DNA2: variants seen among roughly 807,000 people sequenced by gnomAD.
DNA2 encodes the protein DNA replication ATP-dependent helicase/nuclease DNA2.
Under a neutral mutation model 119.1 loss-of-function variants are expected in DNA2, and 101 were observed. The observed-to-expected ratio is 0.85, with a 90% CI of 0.72 to 1.00. The LOEUF (loss-of-function observed/expected upper bound fraction) is 1.00. Among genes scored for constraint, DNA2 ranks in the 50% least tolerant of loss-of-function variants. The pLI is 0.00. For synonymous variants in DNA2, 366 were observed against 424.4 expected (o/e 0.86, Z 1.69); for missense variants, 1,121 against 1,255.5 (o/e 0.89, Z 1.62).
chr10:68,464,343 T>A lies in DNA2; in HGVS notation c.587+1324A>T, dbSNP rs985253829. On this transcript the variant is annotated intron_variant, in intron 4 of 20. Coordinates refer to ENST00000358410, the MANE Select transcript of DNA2 (RefSeq NM_001080449.3). ...GCCTGGCCAACATGGTTAAACCCCG[T>A]CTTCACTAAAAGTACAAAAAAATTA... Among the ~76,000 whole-genome samples the A allele has an allele frequency of 2.0e-5, 3 of 151,946 alleles. No individual in the cohort carries two copies. In the East Asian group the frequency reaches 5.8e-4, roughly 29 times the overall value.
chr10:68,427,496 T>C (rs73274786), intron 14 of DNA2, among the ~76,000 whole-genome samples: 81 of 148,510 alleles, frequency 5.5e-4, no homozygotes, highest in African/African-American at 1.9e-3. Flanking sequence ...AAATTGAAAA[T>C]ATTAGGCAGG....
At chr10:68,415,297 A>G (rs1011383921) in intron 20 of DNA2, among the ~76,000 whole-genome samples, 190 bp from the exon 21 acceptor site, 1 of 143,292 alleles carries the variant, frequency 7.0e-6, no homozygotes, top group Non-Finnish European at 1.5e-5. Context: ...TTTTTCTGAG[A>G]TGGAGTTTCA....
intron 9 of DNA2, among the ~76,000 whole-genome samples, chr10:68,442,108 T>G (rs1021961000): frequency 6.6e-6 from 1 of 151,956 alleles, no homozygotes; most frequent in South Asian, 2.1e-4. Context: ...AGAGACAGGG[T>G]TTTGCCATGT....
chr10:68,419,814 T>G lies in DNA2; in HGVS notation c.2776A>C (p.Ile926Leu). ...AAATTCTAAATTACCTTAACAAAAA[T>G]GGAGGTTAGGAAAACTATGAGTTTG... ...EAKLIVFLTSIFVKAGCSPSD... is the reference protein window; with the variant it reads ...EAKLIVFLTSLFVKAGCSPSD... The change falls in exon 18 of 21, where the codon ATT becomes CTT. Residue 926 changes from isoleucine to leucine, a missense_variant. Transcript: ENST00000358410. The G allele has an allele frequency of 6.2e-7, 1 of 1,613,024 alleles. No individual in the cohort carries two copies. Among genetic ancestry groups the G allele is most frequent in the Non-Finnish European group, 8.5e-7 (1 of 1,179,148 alleles).
intron 17 of DNA2, among the ~76,000 whole-genome samples, chr10:68,421,367 T>A (rs1019707384): frequency 8.5e-5 from 13 of 152,156 alleles, no homozygotes; most frequent in Non-Finnish European, 1.8e-4. Context: ...ACCCCTGAGT[T>A]CACTTTGTGG....
At chr10:68,435,161 G>A (rs946298175) in intron 10 of DNA2, among the ~76,000 whole-genome samples, 3 of 151,606 alleles carry the variant, frequency 2.0e-5, no homozygotes, top group Non-Finnish European at 2.9e-5. Flanking sequence ...TCAACTGATC[G>A]TCCCACCTCG....
Position 68,432,257 on chromosome 10 carries a change from T to G in DNA2, c.1822A>C (p.Ser608Arg). 3 of 1,609,650 alleles carry G rather than the reference T, an allele frequency of 1.9e-6. No homozygotes were observed. Among genetic ancestry groups the G allele is most frequent in the Non-Finnish European group, 2.5e-6 (3 of 1,178,718 alleles). ...TTTGCATCATGTGGAAGAACAGAACTAAGGTAGGATATAAACTGAGGTTCA... is the reference window on the plus strand; with the variant it reads ...TTTGCATCATGTGGAAGAACAGAACGAAGGTAGGATATAAACTGAGGTTCA... ...FREPQFISYL[S>R]SVLPHDAKDT... The change falls in exon 12 of 21, where the codon AGT becomes CGT. Residue 608 changes from serine to arginine, a missense_variant. Ser to Arg is a moderately radical substitution (Grantham distance 110, BLOSUM62 -1). Coordinates refer to ENST00000358410, the MANE Select transcript of DNA2 (RefSeq NM_001080449.3).
chr10:68,424,852 G>GTACTT, intron 14 of DNA2: 2 of 801,246 alleles, frequency 2.5e-6, no homozygotes, highest in Non-Finnish European at 4.5e-6. Flanking sequence ...GTCCACGTGG[G>GTACTT]TACTCACCCA....
At position 68,470,020 on chromosome 10, in the gene DNA2, G is replaced by A. The variant is rs201979046; in HGVS notation, c.218C>T (p.Ser73Leu). ...EKRLVITASQ[S>L]LENKELCILR... ...GATGCATAGTTCTTTATTTTCTAGT[G>A]ACTGTGAAGCAGTGATGACCAGGCG... The change falls in exon 2 of 21, where the codon TCA becomes TTA. Residue 73 changes from serine to leucine, a missense_variant. Coordinates refer to ENST00000358410, the MANE Select transcript of DNA2 (RefSeq NM_001080449.3). The A allele has an allele frequency of 6.2e-7, 1 of 1,610,604 alleles. No individual in the cohort carries two copies. Among genetic ancestry groups the A allele is most frequent in the African/African-American group, 1.3e-5 (1 of 74,780 alleles).
In DNA2 at chr10:68,416,852, C is replaced by T. The variant is rs552381837; in HGVS notation, c.2971G>A (p.Gly991Ser). The T allele has an allele frequency of 8.7e-6, 14 of 1,605,188 alleles. No individual in the cohort carries two copies. In the Admixed American group the frequency reaches 2.2e-4, roughly 26 times the overall value. ...FVRSNKDGTV[G>S]ELLKDWRRLN... ...CGTCGCCAATCTTTCAAGAGTTCAC[C>T]AACCTGTAAGAAATATAATTTTCAA... Residue 991 changes from glycine (G) to serine (S), a missense_variant, in exon 20 of 21, where the codon GGT becomes AGT. By Grantham distance (56) the Gly-to-Ser change is moderately conservative (BLOSUM62 0). Transcript: ENST00000358410.
Position 68,470,108 on chromosome 10 carries a change from C to G in DNA2, c.130G>C (p.Asp44His). 1 of 1,613,406 alleles carries G rather than the reference C, an allele frequency of 6.2e-7. No homozygotes were observed. The highest frequency in any genetic ancestry group is 8.5e-7 in the Non-Finnish European group (1 of 1,179,780). Residue 44 changes from aspartate (D) to histidine (H), a missense_variant, in exon 2 of 21, where the codon GAT (aspartate) becomes CAT (histidine). Coordinates refer to ENST00000358410, the MANE Select transcript of DNA2 (RefSeq NM_001080449.3). The stretch of plus-strand genomic sequence containing the variant: ...ACTGCCAACACCAGGTACCGGTTAT[C>G]CATTCCTGTGCTCAGAACTGTTCTT... ...FPRTVLSTGM[D>H]NRYLVLAVNT...
At chr10:68,448,994 T>C (rs1255734049) in intron 6 of DNA2, among the ~76,000 whole-genome samples, 2 of 143,264 alleles carry the variant, frequency 1.4e-5, no homozygotes, top group Non-Finnish European at 3.0e-5. Flanking sequence ...TGTAGTAGTT[T>C]CACCATGTTG....
At position 68,419,085 on chromosome 10, in the gene DNA2, C is replaced by T; in HGVS notation, c.2916G>A (p.Arg972=). ...AAGATACTAGGACAATACTTTTGTC[C>T]CTTCCTTGGTATTTGTCTACTGTAT... ...EVNTVDKYQG[R]DKSIVLVSFV... is the part of the protein sequence containing the mutation. Residue 972 remains arginine (R), a synonymous_variant, in exon 19 of 21, where the codon AGG becomes AGA. Transcript: ENST00000358410. 1 of 1,612,170 alleles carries T rather than the reference C, an allele frequency of 6.2e-7. No homozygotes were observed. The highest frequency in any genetic ancestry group is 1.3e-5 in the African/African-American group (1 of 74,886).
At chr10:68,417,391 CA>C (rs35777569) in intron 19 of DNA2, among the ~76,000 whole-genome samples, 4,814 of 77,464 alleles carry the variant, frequency 0.062, 134 homozygotes, top group South Asian at 0.21. Flanking sequence ...ATAAGAAAAC[CA>C]AAAAAAAAAA....
intron 5 of DNA2, among the ~76,000 whole-genome samples, chr10:68,453,900 TTGTATATAAAA>T (rs1221673638): frequency 6.6e-6 from 1 of 152,202 alleles, no homozygotes; most frequent in Non-Finnish European, 1.5e-5. Context: ...CATGAGTGCA[TTGTATATAAAA>T]TGTATATAAG....
chr10:68,444,283 G>A lies in DNA2; in HGVS notation c.1220+638C>T, dbSNP rs191178057. Among the ~76,000 whole-genome samples, 306 of 152,002 alleles carry A rather than the reference G, an allele frequency of 2.0e-3. 5 individuals are homozygous for A. The highest frequency in any genetic ancestry group is 0.012 in the Admixed American group (190 of 15,238). ...CGAGCGCCTGTAGTCCCAGCTATTCGGGAAGCTGAGGCAGGAGAATCGCTT... is the reference window on the plus strand; with the variant it reads ...CGAGCGCCTGTAGTCCCAGCTATTCAGGAAGCTGAGGCAGGAGAATCGCTT... On this transcript the variant is annotated intron_variant, in intron 8 of 20. Transcript: ENST00000358410.
chr10:68,436,408 G>A (rs2051888884), intron 10 of DNA2, among the ~76,000 whole-genome samples: 1 of 152,188 alleles, frequency 6.6e-6, no homozygotes, highest in African/African-American at 2.4e-5. Flanking sequence ...GTGGTTGCCA[G>A]GGACTTCAGG....
chr10:68,431,847 G>T lies in DNA2; in HGVS notation c.1983+15C>A, dbSNP rs992336938. The T allele has an allele frequency of 5.8e-6, 9 of 1,554,070 alleles. No homozygotes were observed. Among genetic ancestry groups the T allele is most frequent in the African/African-American group, 4.1e-5 (3 of 73,462 alleles). On this transcript the variant is annotated intron_variant, in intron 13 of 20. Transcript: ENST00000358410. ...ACAAATATTTTGTCTCTAAGCAGAA[G>T]AATAATAACCTTACGAGAGTACATA...
chr10:68,445,483 T>C (rs2052026938), intron 7 of DNA2, among the ~76,000 whole-genome samples: 2 of 151,602 alleles, frequency 1.3e-5, no homozygotes, highest in Admixed American at 6.6e-5. Context: ...AATAAATAAA[T>C]AAATAAAATA....
Sources: allele counts gnomAD v4.1 joint callset (sites outside exome capture counted in the v4.1 genomes callset), GRCh38; gene constraint gnomAD v4.1.1; transcripts MANE v1.5; gene names NCBI Gene and HGNC (gene_info 2026-07-23, HGNC 2026-07-21).